RSF1: variants seen among roughly 807,000 people sequenced by gnomAD.
RSF1 encodes remodeling and spacing factor 1.
Under a neutral mutation model 145.2 loss-of-function variants are expected in RSF1, and 13 were observed. That is an observed-to-expected ratio of 0.09 (90% CI 0.06 to 0.14). The LOEUF (loss-of-function observed/expected upper bound fraction) is 0.14, where lower values mean the gene tolerates loss of function less well. Among genes scored for constraint, RSF1 ranks in the 10% least tolerant of loss-of-function variants. The pLI is 1.00. For synonymous variants in RSF1, 577 were observed against 592.6 expected, an observed-to-expected ratio of 0.97 and a Z score of 0.38; for missense variants, 1,517 against 1,718.2, an observed-to-expected ratio of 0.88 and a Z score of 2.07.
chr11:77,746,915 C>T (rs1300751357), intron 3 of RSF1, 121 bp downstream of exon 3: 6 of 547,014 alleles, frequency 1.1e-5, no homozygotes, highest in African/African-American at 3.9e-5. Flanking sequence ...AAAAAATAGA[C>T]TCCATTGTCC....
the RSF1 span, among the ~76,000 whole-genome samples, chr11:77,838,703 G>T: frequency 1.4e-5 from 2 of 144,260 alleles, no homozygotes; most frequent in African/African-American, 5.2e-5. Context: ...TGTAAGCTCC[G>T]CCTCCCGGGT....
In RSF1 at chr11:77,819,953, A is replaced by C. The variant is rs979300038; in HGVS notation, c.187+575T>G. 8.5e-5 allele frequency among the ~76,000 whole-genome samples: 13 copies of C among 152,062 alleles called. No individual in the cohort carries two copies. In the East Asian group the frequency reaches 2.3e-3, roughly 27 times the overall value. ...TTAAAGCAGCCCTCGAGGGGAAGGG[A>C]AAAGGGACAAATCTCTCAGGGGAGT... is the stretch of plus-strand genomic sequence containing the variant. On this transcript the variant is annotated intron_variant, in intron 1 of 15. Coordinates refer to ENST00000308488, the MANE Select transcript of RSF1 (RefSeq NM_016578.4).
At chr11:77,862,196 T>G in the RSF1 span, among the ~76,000 whole-genome samples, 1 of 152,182 alleles carries the variant, frequency 6.6e-6, no homozygotes, top group Non-Finnish European at 1.5e-5. Flanking sequence ...TGCTGGCCTG[T>G]GGGGAATCGT....
intron 1 of RSF1, 100 bp from the exon 2 acceptor site, chr11:77,764,789 C>T (rs1312517973): frequency 1.5e-5 from 11 of 753,624 alleles, no homozygotes; most frequent in Non-Finnish European, 2.2e-5. Context: ...TGGATACCTT[C>T]TCAAAACAGA....
intron 7 of RSF1, among the ~76,000 whole-genome samples, chr11:77,694,668 A>G (rs1419698070): frequency 6.6e-6 from 1 of 152,232 alleles, no homozygotes; most frequent in African/African-American, 2.4e-5. Flanking sequence ...CAAAACTAAG[A>G]AATTAACATC....
At chr11:77,691,005 G>T in intron 9 of RSF1, 154 bp downstream of exon 9, 1 of 580,224 alleles carries the variant, frequency 1.7e-6, no homozygotes. Flanking sequence ...AACATTCTTA[G>T]TTAGCAGGCA....
the RSF1 span, among the ~76,000 whole-genome samples, chr11:77,826,100 G>A: frequency 6.6e-6 from 1 of 152,302 alleles, no homozygotes; most frequent in African/African-American, 2.4e-5. Flanking sequence ...TGAGCGGGTA[G>A]CCAGAAGCAG....
At chr11:77,762,887 G>A (rs1948189768) in intron 2 of RSF1, 1 of 152,198 alleles carries the variant, frequency 6.6e-6, no homozygotes, top group Non-Finnish European at 1.5e-5. Flanking sequence ...AGCACTGTAA[G>A]AGCCATGTAA....
At chr11:77,828,653 G>T in the RSF1 span, among the ~76,000 whole-genome samples, 2 of 144,732 alleles carry the variant, frequency 1.4e-5, no homozygotes, top group African/African-American at 5.1e-5. Flanking sequence ...CTGGGCAACA[G>T]AGTGAGACTC....
chr11:77,673,986 GA>G (rs1959624811), intron 14 of RSF1, among the ~76,000 whole-genome samples: 1 of 151,300 alleles, frequency 6.6e-6, no homozygotes. Flanking sequence ...GTTAGGAAAA[GA>G]AAAAAAAGAT....
At chr11:77,856,426 C>G in the RSF1 span, among the ~76,000 whole-genome samples, 1 of 152,190 alleles carries the variant, frequency 6.6e-6, no homozygotes, top group Non-Finnish European at 1.5e-5. Flanking sequence ...CTGCCCATTA[C>G]CTAGTTCCAT....
the RSF1 span, among the ~76,000 whole-genome samples, chr11:77,855,173 G>C: frequency 1.3e-5 from 2 of 152,174 alleles, no homozygotes; most frequent in Non-Finnish European, 1.5e-5. Flanking sequence ...TAGGCCTCCA[G>C]GCCTGTGATG....
chr11:77,678,419 G>A lies in RSF1; in HGVS notation c.3066-266C>T, dbSNP rs369486793. ...TTTAGTAGAGACAGGGTTTCATCAT[G>A]TTGGCCAGAATGGTCTCGATCTCGA... On this transcript the variant is annotated intron_variant, in intron 11 of 15. Coordinates refer to ENST00000308488, the MANE Select transcript of RSF1 (RefSeq NM_016578.4). Among the ~76,000 whole-genome samples, 48 of 152,160 alleles carry A rather than the reference G, an allele frequency of 3.2e-4. No individual in the cohort carries two copies. The South Asian group carries it at 7.3e-3, about 23-fold the overall frequency.
Position 77,666,601 on chromosome 11 carries a change from A to C in RSF1, c.*316T>G, listed in dbSNP as rs1359595480. ...TTCATCCACCCTTTTTCACAAAGTC[A>C]GGAGAGCTCAGGAAATATAAAGTCA... On this transcript the variant is annotated 3_prime_UTR_variant, in exon 16 of 16. Transcript: ENST00000308488. The C allele has an allele frequency of 5.6e-6, 1 of 177,386 alleles. No homozygotes were observed. Among genetic ancestry groups the C allele is most frequent in the Non-Finnish European group, 1.2e-5 (1 of 85,064 alleles). The allele number at this position is 177,386 out of a possible 1,614,324, so 11.0% of individuals were successfully genotyped here. A position where few individuals can be genotyped will look rare whatever the true frequency, so the allele number is the denominator to read the frequency against.
chr11:77,764,327 G>C (rs1948204632), intron 2 of RSF1: 1 of 321,042 alleles, frequency 3.1e-6, no homozygotes. Flanking sequence ...GTGATTTTAA[G>C]AATTAAATGA....
the RSF1 span, among the ~76,000 whole-genome samples, chr11:77,865,347 C>G: frequency 6.6e-6 from 1 of 152,178 alleles, no homozygotes; most frequent in Non-Finnish European, 1.5e-5. Context: ...ATGTGGATAG[C>G]ACAATTTCAT....
chr11:77,740,418 C>T (rs1348053718), intron 4 of RSF1, among the ~76,000 whole-genome samples: 2 of 152,136 alleles, frequency 1.3e-5, no homozygotes, highest in African/African-American at 4.8e-5. Context: ...CCAAACAATG[C>T]TTTTCTTGTG....
intron 1 of RSF1, among the ~76,000 whole-genome samples, chr11:77,814,414 G>A (rs923108191): frequency 1.3e-5 from 2 of 151,978 alleles, no homozygotes; most frequent in Admixed American, 6.6e-5. Flanking sequence ...GGGGCAGGAG[G>A]ATTTCTTGAG....
chr11:77,808,642 T>C (rs1429055930), intron 1 of RSF1, among the ~76,000 whole-genome samples: 1 of 117,382 alleles, frequency 8.5e-6, no homozygotes, highest in Non-Finnish European at 1.7e-5. Context: ...CACGCCATTC[T>C]CCTGCCTCAG....
Sources: allele counts gnomAD v4.1 joint callset (sites outside exome capture counted in the v4.1 genomes callset), GRCh38; gene constraint gnomAD v4.1.1; transcripts MANE v1.5; gene names NCBI Gene and HGNC (gene_info 2026-07-23, HGNC 2026-07-21).